COX8A: variants seen among roughly 807,000 people sequenced by gnomAD.
COX8A encodes cytochrome c oxidase subunit 8A, mitochondrial.
A neutral mutation model predicts 4.4 loss-of-function variants in COX8A; 6 were observed. That is an observed-to-expected ratio of 1.36 (90% CI 0.74 to 2.68). The LOEUF is 2.68. Ranked by LOEUF, COX8A falls within the 30% of genes most tolerant of loss-of-function variation. The pLI, the probability that COX8A is intolerant of heterozygous loss-of-function variation, is 0.00. For missense variants in COX8A, 72 were observed against 89.6 expected (o/e 0.80, Z 0.79); for synonymous variants, 53 against 47.1 (o/e 1.12, Z -0.51).
At chr11:63,975,343 T>C (rs1238393449) in intron 1 of COX8A, among the ~76,000 whole-genome samples, 1 of 151,320 alleles carries the variant, frequency 6.6e-6, no homozygotes, top group Non-Finnish European at 1.5e-5. Context: ...CATGCCCAAC[T>C]AAATTTTGTA....
chr11:63,975,928 CCTTT>C (rs1942536101), intron 1 of COX8A, among the ~76,000 whole-genome samples: 1 of 152,170 alleles, frequency 6.6e-6, no homozygotes, highest in Non-Finnish European at 1.5e-5. Context: ...CCTGTCCCTT[CCTTT>C]ACCATCTGGT....
chr11:63,974,811 G>T lies in COX8A; in HGVS notation c.114+17G>T. On this transcript the variant is annotated intron_variant, in intron 1 of 1. Transcript: ENST00000314133. ...GGGATCATGGTGAGGAACGGGCCTGGAAGAGCGCGGGAGGCGCCGTGGGCT... is the reference window on the plus strand; with the variant it reads ...GGGATCATGGTGAGGAACGGGCCTGTAAGAGCGCGGGAGGCGCCGTGGGCT... 1 of 1,577,942 alleles carries T rather than the reference G, an allele frequency of 6.3e-7. No individual in the cohort carries two copies. The highest frequency in any genetic ancestry group is 1.2e-5 in the South Asian group (1 of 86,942).
chr11:63,976,148 G>T (rs951499804), intron 1 of COX8A, 77 bp from the exon 2 acceptor site: 2 of 1,396,834 alleles, frequency 1.4e-6, no homozygotes, highest in African/African-American at 2.8e-5. Flanking sequence ...GCTTTCTGCT[G>T]CCTGGGAACT....
At chr11:63,975,934 C>T (rs565465348) in intron 1 of COX8A, among the ~76,000 whole-genome samples, 19 of 152,176 alleles carry the variant, frequency 1.2e-4, no homozygotes, top group Non-Finnish European at 2.6e-4. Context: ...CCTTCCTTTA[C>T]CATCTGGTGG....
At chr11:63,975,269 C>G (rs975391457) in intron 1 of COX8A, among the ~76,000 whole-genome samples, 7 of 151,982 alleles carry the variant, frequency 4.6e-5, no homozygotes, top group Admixed American at 1.3e-4. Context: ...GCCTCCGACT[C>G]CCGGGTTCAA....
At position 63,974,803 on chromosome 11, in the gene COX8A, C is replaced by T. The variant is rs372550956; in HGVS notation, c.114+9C>T. 6 of 1,591,686 alleles carry T rather than the reference C, an allele frequency of 3.8e-6. No individual in the cohort carries two copies. The highest frequency in any genetic ancestry group is 1.3e-5 in the African/African-American group (1 of 74,614). The stretch of plus-strand genomic sequence containing the variant: ...GGAAGCTTGGGATCATGGTGAGGAA[C>T]GGGCCTGGAAGAGCGCGGGAGGCGC... On this transcript the variant is annotated intron_variant, in intron 1 of 1. Coordinates refer to ENST00000314133, the MANE Select transcript of COX8A (RefSeq NM_004074.3).
chr11:63,975,611 TG>T (rs1276372119), intron 1 of COX8A, among the ~76,000 whole-genome samples: 1 of 150,730 alleles, frequency 6.6e-6, no homozygotes, highest in Non-Finnish European at 1.5e-5. Context: ...AGTCTTGCTC[TG>T]TCACCCAGGC....
chr11:63,974,733 G>A lies in COX8A; in HGVS notation c.53G>A (p.Arg18Gln), dbSNP rs11550241. 10 of 1,607,846 alleles carry A rather than the reference G, an allele frequency of 6.2e-6. No homozygotes were observed. Among genetic ancestry groups the A allele is most frequent in the Non-Finnish European group, 8.5e-6 (10 of 1,177,636 alleles). ...CGGGGCTTGACAGGCTCGGCCCGGC[G>A]GCTCCCAGTGCCGCGCGCCAAGATC... ...LLRGLTGSAR[R>Q]LPVPRAKIHS... is the part of the protein sequence containing the mutation. Residue 18 changes from arginine to glutamine, a missense_variant, in exon 1 of 2, where the codon CGG becomes CAG. Physicochemically the swap from Arg to Gln is conservative, Grantham distance 43. Transcript: ENST00000314133.
chr11:63,976,117 A>G, intron 1 of COX8A, 108 bp from the exon 2 acceptor site: 1 of 1,020,488 alleles, frequency 9.8e-7, no homozygotes. Flanking sequence ...CTTGCCTCTG[A>G]GTCCTGGCTC....
Position 63,974,669 on chromosome 11 carries a change from C to CCA in COX8A, c.-12_-11insCA, listed in dbSNP as rs1942522955. The CCA allele has an allele frequency of 1.3e-6, 2 of 1,597,016 alleles. No homozygotes were observed. The highest frequency in any genetic ancestry group is 2.3e-5 in the East Asian group (1 of 44,192). ...ACGGCTGACCGTTTTTTGTGGTGTA[C>CCA]TCCGTGCCATCATGTCCGTCCTGAC... is the stretch of plus-strand genomic sequence containing the variant. On this transcript the variant is annotated 5_prime_UTR_variant, in exon 1 of 2. Transcript: ENST00000314133.
Position 63,976,353 on chromosome 11 carries a change from G to T in COX8A, c.*33G>T. 6.3e-7 allele frequency: 1 copy of T among 1,596,230 alleles called. No homozygotes were observed. The highest frequency in any genetic ancestry group is 1.1e-5 in the South Asian group (1 of 90,658). The stretch of plus-strand genomic sequence containing the variant: ...CGTTCTGTCCCTCACACTGTGACCT[G>T]ACCAGCCCCACCGGCCCATCCTGGT... On this transcript the variant is annotated 3_prime_UTR_variant, in exon 2 of 2. Transcript: ENST00000314133.
intron 1 of COX8A, among the ~76,000 whole-genome samples, chr11:63,975,247 C>T (rs1234554267): frequency 3.3e-5 from 5 of 152,250 alleles, no homozygotes; most frequent in Admixed American, 2.6e-4. Flanking sequence ...GGCGCGATCT[C>T]GGCTCACTGC....
chr11:63,974,743 G>T lies in COX8A; in HGVS notation c.63G>T (p.Val21=). The T allele has an allele frequency of 6.2e-7, 1 of 1,608,182 alleles. No individual in the cohort carries two copies. The change falls in exon 1 of 2, where the codon GTG becomes GTT. Residue 21 remains valine, a synonymous_variant. Coordinates refer to ENST00000314133, the MANE Select transcript of COX8A (RefSeq NM_004074.3). ...GLTGSARRLP[V]PRAKIHSLPP... Reference sequence around the variant, plus strand: ...CAGGCTCGGCCCGGCGGCTCCCAGTGCCGCGCGCCAAGATCCATTCGTTGC... The same window carrying T: ...CAGGCTCGGCCCGGCGGCTCCCAGTTCCGCGCGCCAAGATCCATTCGTTGC...
At chr11:63,976,176 C>T (rs368795739) in intron 1 of COX8A, 49 bp from the exon 2 acceptor site, 1 of 1,554,100 alleles carries the variant, frequency 6.4e-7, no homozygotes, top group South Asian at 1.1e-5. Flanking sequence ...CTTAGAGAGC[C>T]TAGGGGAATA....
intron 1 of COX8A, 90 bp downstream of exon 1, chr11:63,974,884 G>A (rs963289242): frequency 1.4e-5 from 17 of 1,189,510 alleles, no homozygotes; most frequent in Non-Finnish European, 3.5e-6. Flanking sequence ...AATGCCTCGC[G>A]CCCCGCAGCG....
At chr11:63,975,656 A>C (rs1590771671) in intron 1 of COX8A, among the ~76,000 whole-genome samples, 1 of 149,522 alleles carries the variant, frequency 6.7e-6, no homozygotes, top group South Asian at 2.1e-4. Context: ...GCTTACTGCA[A>C]CCTCCGCCTC....
At chr11:63,975,342 C>G (rs989020085) in intron 1 of COX8A, among the ~76,000 whole-genome samples, 1 of 151,786 alleles carries the variant, frequency 6.6e-6, no homozygotes, top group Non-Finnish European at 1.5e-5. Flanking sequence ...CCATGCCCAA[C>G]TAAATTTTGT....
At position 63,974,648 on chromosome 11, in the gene COX8A, C is replaced by G. The variant is rs757978708; in HGVS notation, c.-33C>G. On this transcript the variant is annotated 5_prime_UTR_variant, in exon 1 of 2. Coordinates refer to ENST00000314133, the MANE Select transcript of COX8A (RefSeq NM_004074.3). ...TTGGCTTCCTGACCTTGGGCTACGG[C>G]TGACCGTTTTTTGTGGTGTACTCCG... 6.4e-7 allele frequency: 1 copy of G among 1,572,140 alleles called. No homozygotes were observed. Among genetic ancestry groups the G allele is most frequent in the Admixed American group, 1.8e-5 (1 of 54,128 alleles).
chr11:63,974,673 G>T lies in COX8A; in HGVS notation c.-8G>T. On this transcript the variant is annotated 5_prime_UTR_variant, in exon 1 of 2. Transcript: ENST00000314133. ...CTGACCGTTTTTTGTGGTGTACTCC[G>T]TGCCATCATGTCCGTCCTGACGCCG... is the stretch of plus-strand genomic sequence containing the variant. 1 of 1,600,616 alleles carries T rather than the reference G, an allele frequency of 6.2e-7. No individual in the cohort carries two copies. The highest frequency in any genetic ancestry group is 8.5e-7 in the Non-Finnish European group (1 of 1,173,154).
Sources: gnomAD v4.1 joint callset for allele counts (sites outside exome capture counted in the v4.1 genomes callset) on GRCh38, gnomAD v4.1.1 for gene constraint, MANE v1.5 for transcripts, NCBI Gene and HGNC (gene_info 2026-07-23, HGNC 2026-07-21) for gene names.